Variants in PHF20 observed in about 807,000 individuals in gnomAD.
PHF20 encodes glioma-expressed antigen 2.
In PHF20, 23 loss-of-function variants were observed where a neutral mutation model predicts 113.5. The ratio of observed to expected loss-of-function variants is 0.20; its 90% CI spans 0.15 to 0.29. The LOEUF (loss-of-function observed/expected upper bound fraction) is 0.29, where lower values mean the gene tolerates loss of function less well. Among genes scored for constraint, PHF20 ranks in the 10% least tolerant of loss-of-function variants. PHF20 has a pLI of 1.00. For synonymous variants in PHF20, 434 were observed against 457.3 expected (o/e 0.95, Z 0.65); for missense variants, 943 against 1,219.6 (o/e 0.77, Z 3.38).
Position 35,871,670 on chromosome 20 carries a change from G to A in PHF20, c.1123G>A (p.Glu375Lys). The A allele has an allele frequency of 6.3e-7, 1 of 1,599,604 alleles. No homozygotes were observed. Among genetic ancestry groups the A allele is most frequent in the Non-Finnish European group, 8.5e-7 (1 of 1,174,838 alleles). ...SEEGQLKSAL[E>K]AGQVSSALTC... The stretch of plus-strand genomic sequence containing the variant: ...TCTAGGTCAGTTGAAGTCTGCTTTG[G>A]AAGCTGGCCAGGTCTCATCTGCACT... Residue 375 changes from glutamate (E) to lysine (K), a missense_variant, in exon 9 of 18, where the codon GAA becomes AAA. This residue lies in a region of PHF20 where 592 missense variants were observed against 787.2 expected (regional missense o/e 0.75). Coordinates refer to ENST00000374012, the MANE Select transcript of PHF20 (RefSeq NM_016436.5).
rs144211954 is a variant in PHF20 at position 35,854,778 on chromosome 20, G to A, written c.341-3524G>A. Among the ~76,000 whole-genome samples, 288 of 152,248 alleles carry A rather than the reference G, an allele frequency of 1.9e-3. 2 individuals carry two copies. Among genetic ancestry groups the A allele is most frequent in the Admixed American group, 2.9e-3 (44 of 15,282 alleles). Reference sequence around the variant, plus strand: ...GAGGAGCTTGAGCAATAGGCAGTGCGGGGTGGTGGGAAAAAATTGGTTGGA... The same window carrying A: ...GAGGAGCTTGAGCAATAGGCAGTGCAGGGTGGTGGGAAAAAATTGGTTGGA... On this transcript the variant is annotated intron_variant, in intron 4 of 17. Coordinates refer to ENST00000374012, the MANE Select transcript of PHF20 (RefSeq NM_016436.5).
chr20:35,916,124 C>T (rs1048649314), intron 12 of PHF20, among the ~76,000 whole-genome samples: 1 of 151,922 alleles, frequency 6.6e-6, no homozygotes. Flanking sequence ...AGAATGAGAC[C>T]CTGTCTCAAA....
At chr20:35,776,866 A>G (rs1044129021) in intron 1 of PHF20, among the ~76,000 whole-genome samples, 8 of 152,184 alleles carry the variant, frequency 5.3e-5, no homozygotes, top group Admixed American at 2.0e-4. Flanking sequence ...ATGATCTGCA[A>G]TGTCCACCCT....
intron 9 of PHF20, among the ~76,000 whole-genome samples, chr20:35,894,978 C>T (rs1158968617): frequency 1.3e-5 from 2 of 152,148 alleles, no homozygotes; most frequent in Admixed American, 6.5e-5. Flanking sequence ...CCTCGGCCTC[C>T]TGAGTAAGCT....
intron 1 of PHF20, among the ~76,000 whole-genome samples, chr20:35,790,099 C>T (rs914106143): frequency 2.1e-4 from 32 of 151,814 alleles, no homozygotes; most frequent in African/African-American, 7.7e-4. Context: ...TCAGGTGATC[C>T]GCCCGCCTCT....
chr20:35,788,777 C>T (rs889099485), intron 1 of PHF20, among the ~76,000 whole-genome samples: 1 of 151,700 alleles, frequency 6.6e-6, no homozygotes, highest in African/African-American at 2.4e-5. Flanking sequence ...GGGGTTTTGC[C>T]ATTTTAGCCA....
intron 9 of PHF20, among the ~76,000 whole-genome samples, chr20:35,873,458 G>GTTT (rs1400135809): frequency 1.4e-4 from 16 of 114,584 alleles, no homozygotes; most frequent in South Asian, 6.1e-4. Flanking sequence ...TGTTTTGTCT[G>GTTT]TTTTTTTGTT....
At chr20:35,903,076 T>TC (rs1482201973) in intron 10 of PHF20, among the ~76,000 whole-genome samples, 191 of 123,440 alleles carry the variant, frequency 1.5e-3, no homozygotes, top group African/African-American at 8.2e-3. Context: ...TCCTATCCTT[T>TC]CTTTTTTTTT....
intron 15 of PHF20, 79 bp downstream of exon 15, chr20:35,931,523 G>C: frequency 9.3e-7 from 1 of 1,079,408 alleles, no homozygotes; most frequent in Non-Finnish European, 1.3e-6. Flanking sequence ...AAATTGGAAA[G>C]CTACCAAAGC....
chr20:35,935,740 C>G (rs997404988), intron 15 of PHF20, among the ~76,000 whole-genome samples: 2 of 152,192 alleles, frequency 1.3e-5, no homozygotes, highest in Non-Finnish European at 2.9e-5. Context: ...AGAATTAAAT[C>G]TGTCTTCTAG....
rs1433378624 is a variant in PHF20, at chr20:35,835,534, G to T, written c.84-7039G>T. On this transcript the variant is annotated intron_variant, in intron 2 of 17. Coordinates refer to ENST00000374012, the MANE Select transcript of PHF20 (RefSeq NM_016436.5). ...TGTCAATAAAATCCTGGAACACCAA[G>T]TAGAGACTTATTAAATGAATGATGC... 3.3e-5 allele frequency among the ~76,000 whole-genome samples: 5 copies of T among 152,192 alleles called. No homozygotes were observed. The East Asian group carries it at 9.6e-4, about 29-fold the overall frequency.
chr20:35,944,869 T>G (rs767879892), intron 17 of PHF20, among the ~76,000 whole-genome samples: 11 of 152,232 alleles, frequency 7.2e-5, no homozygotes, highest in Non-Finnish European at 1.0e-4. Context: ...CCTCTCCATT[T>G]ATTCTTCTGC....
chr20:35,777,964 G>T (rs1391058850), intron 1 of PHF20, among the ~76,000 whole-genome samples: 1 of 152,198 alleles, frequency 6.6e-6, no homozygotes, highest in Non-Finnish European at 1.5e-5. Flanking sequence ...TGCTGAGGGG[G>T]CTTGGAAGTC....
intron 12 of PHF20, 73 bp downstream of exon 12, chr20:35,914,270 A>C: frequency 6.7e-7 from 1 of 1,487,196 alleles, no homozygotes; most frequent in Non-Finnish European, 9.3e-7. Context: ...GGGAGATATT[A>C]TGGGTTTGGT....
chr20:35,842,912 G>A (rs1276677722), intron 3 of PHF20, among the ~76,000 whole-genome samples, 168 bp downstream of exon 3: 2 of 152,090 alleles, frequency 1.3e-5, no homozygotes, highest in African/African-American at 4.8e-5. Context: ...TCCCAATTTT[G>A]TTTGTTTGTT....
intron 15 of PHF20, among the ~76,000 whole-genome samples, chr20:35,934,978 A>T (rs1424084889): frequency 6.6e-6 from 1 of 152,110 alleles, no homozygotes. Context: ...TGCCTGGGAA[A>T]CCTCAGGGGC....
chr20:35,791,371 A>T (rs889791638), intron 1 of PHF20, among the ~76,000 whole-genome samples: 1 of 151,724 alleles, frequency 6.6e-6, no homozygotes, highest in Non-Finnish European at 1.5e-5. Flanking sequence ...AATCCTCATT[A>T]CAAACCTAAG....
At chr20:35,889,258 C>T (rs1259568596) in intron 9 of PHF20, among the ~76,000 whole-genome samples, 1 of 152,050 alleles carries the variant, frequency 6.6e-6, no homozygotes, top group Non-Finnish European at 1.5e-5. Context: ...TTGTGATTCG[C>T]CCACCTTGTC....
intron 10 of PHF20, among the ~76,000 whole-genome samples, chr20:35,911,831 A>G (rs981372646): frequency 6.6e-6 from 1 of 150,544 alleles, no homozygotes; most frequent in Admixed American, 6.6e-5. Flanking sequence ...ACTAATTTTT[A>G]TATTTTTAGT....
Sources: allele counts gnomAD v4.1 joint callset (sites outside exome capture counted in the v4.1 genomes callset), GRCh38; gene constraint gnomAD v4.1.1; regional missense constraint gnomAD v4.1.1; transcripts MANE v1.5; gene names NCBI Gene and HGNC (gene_info 2026-07-23, HGNC 2026-07-21).